The following ANKS1A variants were observed in gnomAD, a reference collection of about 807,000 sequenced individuals.
The protein encoded by ANKS1A is ankyrin repeat and SAM domain-containing protein 1A.
Under a neutral mutation model 120.3 loss-of-function variants are expected in ANKS1A, and 55 were observed. The ratio of observed to expected loss-of-function variants is 0.46; its 90% CI spans 0.37 to 0.57. The LOEUF is 0.57. Ranked by LOEUF, ANKS1A falls within the 20% of genes least tolerant of loss-of-function variation. The pLI is 0.00. For synonymous variants in ANKS1A, 590 were observed against 604.7 expected (o/e 0.98, Z 0.36); for missense variants, 1,123 against 1,480.3 (o/e 0.76, Z 3.96).
At chr6:34,936,835 A>G (rs774729258) in intron 1 of ANKS1A, among the ~76,000 whole-genome samples, 1 of 152,224 alleles carries the variant, frequency 6.6e-6, no homozygotes, top group African/African-American at 2.4e-5. Context: ...CTAAAATTCT[A>G]TAAGAAACTA....
At chr6:34,914,072 C>T (rs1344556289) in intron 1 of ANKS1A, among the ~76,000 whole-genome samples, 1 of 152,156 alleles carries the variant, frequency 6.6e-6, no homozygotes, top group Admixed American at 6.5e-5. Context: ...TGCCTGCCAC[C>T]ACGCCCAGCT....
At chr6:34,934,363 C>T (rs961051583) in intron 1 of ANKS1A, among the ~76,000 whole-genome samples, 8 of 152,014 alleles carry the variant, frequency 5.3e-5, no homozygotes, top group Non-Finnish European at 8.8e-5. Context: ...TTAGCCAGGA[C>T]GGTCTCTATC....
Position 35,090,099 on chromosome 6 carries a change from T to C in ANKS1A, c.*1490T>C. The C allele has an allele frequency of 3.1e-6, 4 of 1,288,706 alleles. No homozygotes were observed. Among genetic ancestry groups the C allele is most frequent in the Non-Finnish European group, 4.0e-6 (4 of 988,420 alleles). 79.8% of individuals were successfully genotyped at this position (1,288,706 alleles called of 1,614,324 possible). ...CCAGGCCTTGTGGGTTTCTATCTGC[T>C]AAGCACCCAGCAGGTTGGGGCCTGG... is the stretch of plus-strand genomic sequence containing the variant. On this transcript the variant is annotated 3_prime_UTR_variant, in exon 24 of 24. Transcript: ENST00000360359.
chr6:34,950,197 T>G (rs1337250749), intron 1 of ANKS1A, among the ~76,000 whole-genome samples: 1 of 149,660 alleles, frequency 6.7e-6, no homozygotes, highest in African/African-American at 2.5e-5. Flanking sequence ...ACAAAAAAGG[T>G]AAGGAAGAGG....
chr6:35,084,278 CG>C lies in ANKS1A; in HGVS notation c.3132+23del. On this transcript the variant is annotated intron_variant, in intron 21 of 23. Transcript: ENST00000360359. The surrounding 1 kb of genome is among the most constrained non-coding windows in gnomAD (Gnocchi z 4.8). ...GATGTGGTGGGTGGGGTCCTGGGGC[CG>C]GGTGGGGCAGGCTTGGGTTGCAGCC... is the stretch of plus-strand genomic sequence containing the variant. 6.2e-7 allele frequency: 1 copy of C among 1,612,382 alleles called. No homozygotes were observed. The highest frequency in any genetic ancestry group is 8.5e-7 in the Non-Finnish European group (1 of 1,179,374).
At position 35,079,899 on chromosome 6, in the gene ANKS1A, C is replaced by G. The variant is rs1247648618; in HGVS notation, c.2515C>G (p.Gln839Glu). ...LADRPYEEPP[Q>E]KPPRFSQLRC... is the part of the protein sequence containing the mutation. ...AGACAGACCGTACGAGGAGCCGCCC[C>G]AGAAGCCCCCCAGATTCTCCCAGCT... Residue 839 changes from glutamine (Q) to glutamate (E), a missense_variant, in exon 16 of 24, where the codon CAG becomes GAG. Physicochemically the swap from Gln to Glu is conservative, Grantham distance 29 (BLOSUM62 2). This residue lies in a region of ANKS1A where 904 missense variants were observed against 1,130.4 expected (regional missense o/e 0.80). Transcript: ENST00000360359. The G allele has an allele frequency of 4.5e-6, 7 of 1,559,674 alleles. No individual in the cohort carries two copies. The Admixed American group carries it at 1.2e-4, about 26-fold the overall frequency.
chr6:35,055,705 C>T (rs190533934), intron 12 of ANKS1A, among the ~76,000 whole-genome samples: 14 of 152,296 alleles, frequency 9.2e-5, no homozygotes, highest in Admixed American at 1.3e-4. Flanking sequence ...GCTCACTGGC[C>T]GTGGCTCCCT....
chr6:35,072,884 C>T (rs1777151075), intron 13 of ANKS1A, among the ~76,000 whole-genome samples: 1 of 152,186 alleles, frequency 6.6e-6, no homozygotes, highest in Admixed American at 6.5e-5. Context: ...CCCGCACCCC[C>T]ACACTTTGCT....
At chr6:34,915,259 G>C (rs1768100867) in intron 1 of ANKS1A, among the ~76,000 whole-genome samples, 1 of 152,158 alleles carries the variant, frequency 6.6e-6, no homozygotes. Context: ...GGGCTTGGTA[G>C]GTACTCAGAT....
intron 1 of ANKS1A, among the ~76,000 whole-genome samples, chr6:34,908,430 G>A (rs146739870): frequency 9.4e-4 from 143 of 152,340 alleles, no homozygotes; most frequent in East Asian, 5.2e-3. Flanking sequence ...GTGCTGGATC[G>A]TCATGGGATT....
At chr6:35,000,639 A>G (rs1680479392) in intron 10 of ANKS1A, among the ~76,000 whole-genome samples, 1 of 152,196 alleles carries the variant, frequency 6.6e-6, no homozygotes, top group African/African-American at 2.4e-5. Context: ...TATCTGTGAA[A>G]GTCATGAAAG....
rs6913286 is a variant in ANKS1A, at chr6:35,084,642, G to C, written c.3132+384G>C. ...GCCCCTGACTTTCCAGCTTTTTGGC[G>C]AGTGTTTTCTTAGGTCAGGCAAGGC... On this transcript the variant is annotated intron_variant, in intron 21 of 23. Transcript: ENST00000360359. The surrounding 1 kb of genome is among the most constrained non-coding windows in gnomAD (Gnocchi z 4.8). 0.18 allele frequency among the ~76,000 whole-genome samples: 27,329 copies of C among 152,076 alleles called. 3,050 individuals carry two copies. The highest frequency in any genetic ancestry group is 0.29 in the African/African-American group (12,084 of 41,424).
In ANKS1A at chr6:35,083,226, G is replaced by A. The variant is rs183652919; in HGVS notation, c.2907G>A (p.Arg969=). The A allele has an allele frequency of 6.2e-7, 1 of 1,614,140 alleles. No homozygotes were observed. The highest frequency in any genetic ancestry group is 2.2e-5 in the East Asian group (1 of 44,882). Residue 969 remains arginine, a splice_region_variant and synonymous_variant, in exon 19 of 24, where the codon CGG becomes CGA. Coordinates refer to ENST00000360359, the MANE Select transcript of ANKS1A (RefSeq NM_015245.3). ...ESTQDACAKM[R]KSTEHMKKIP... Reference sequence around the variant, plus strand: ...CGCAAGACGCCTGTGCCAAGATGCGGGTAGGGTGCCTGTGTGGGCTGGAGG... The same window carrying A: ...CGCAAGACGCCTGTGCCAAGATGCGAGTAGGGTGCCTGTGTGGGCTGGAGG...
chr6:34,963,138 A>G (rs1423813088), intron 1 of ANKS1A, among the ~76,000 whole-genome samples: 2 of 152,146 alleles, frequency 1.3e-5, no homozygotes, highest in African/African-American at 4.8e-5. Context: ...CTGAGATTAC[A>G]GGCATGAGCC....
intron 8 of ANKS1A, 47 bp from the exon 9 acceptor site, chr6:34,989,177 T>C: frequency 6.3e-7 from 1 of 1,586,698 alleles, no homozygotes; most frequent in Non-Finnish European, 8.6e-7. Flanking sequence ...AAAAATTAGA[T>C]ACTTAAAAAA....
intron 1 of ANKS1A, among the ~76,000 whole-genome samples, chr6:34,910,932 A>G (rs1431817876): frequency 6.6e-6 from 1 of 152,152 alleles, no homozygotes; most frequent in Admixed American, 6.5e-5. Flanking sequence ...ATTACAACAT[A>G]AAATGGGAGA....
intron 11 of ANKS1A, among the ~76,000 whole-genome samples, chr6:35,053,358 G>C (rs901973450): frequency 2.0e-5 from 3 of 152,240 alleles, no homozygotes; most frequent in African/African-American, 7.2e-5. Flanking sequence ...GGCTGGGACA[G>C]GTGGTCCATA....
At chr6:35,021,379 G>T (rs1285803167) in intron 11 of ANKS1A, among the ~76,000 whole-genome samples, 1 of 152,190 alleles carries the variant, frequency 6.6e-6, no homozygotes, top group Non-Finnish European at 1.5e-5. Flanking sequence ...GCTGCTCCTG[G>T]AAAGAAGTGC....
At chr6:35,054,236 C>G in intron 12 of ANKS1A, 71 bp downstream of exon 12, 1 of 1,449,464 alleles carries the variant, frequency 6.9e-7, no homozygotes, top group Non-Finnish European at 9.7e-7. Flanking sequence ...AGGCTTTCCT[C>G]TAACACAGAA....
Sources: allele counts gnomAD v4.1 joint callset (sites outside exome capture counted in the v4.1 genomes callset), GRCh38; gene constraint gnomAD v4.1.1; regional missense constraint gnomAD v4.1.1; non-coding constraint Gnocchi (gnomAD v3.1); transcripts MANE v1.5; gene names NCBI Gene and HGNC (gene_info 2026-07-23, HGNC 2026-07-21).